Variants in RANBP17 observed in about 807,000 individuals in gnomAD.
The protein encoded by RANBP17 is ran-binding protein 17.
A neutral mutation model predicts 141.2 loss-of-function variants in RANBP17; 158 were observed. The ratio of observed to expected loss-of-function variants is 1.12; its 90% CI spans 0.98 to 1.28. The LOEUF is 1.28. Ranked by LOEUF, RANBP17 falls within the 50% of genes most tolerant of loss-of-function variation. The probability of loss-of-function intolerance (pLI) is 0.00; values close to 1 mark genes in which losing one functional copy is unlikely to be tolerated. For synonymous variants in RANBP17, 430 were observed against 450.0 expected (o/e 0.96, Z 0.56); for missense variants, 1,438 against 1,290.7 (o/e 1.11, Z -1.75).
chr5:171,100,040 A>G (rs966307230), intron 14 of RANBP17, among the ~76,000 whole-genome samples: 4 of 152,164 alleles, frequency 2.6e-5, no homozygotes, highest in African/African-American at 9.7e-5. Context: ...ATCGATGTTC[A>G]TCAGGGTTAT....
chr5:170,926,194 C>CG (rs1772904334), intron 12 of RANBP17, among the ~76,000 whole-genome samples: 1 of 84,582 alleles, frequency 1.2e-5, no homozygotes, highest in South Asian at 1.2e-3. Context: ...TCAAGTCTGC[C>CG]TTTAGCCAGG....
At chr5:171,085,265 A>G (rs1581593403) in intron 14 of RANBP17, among the ~76,000 whole-genome samples, 1 of 143,968 alleles carries the variant, frequency 6.9e-6, no homozygotes, top group Non-Finnish European at 1.5e-5. Context: ...CAAAGATCAG[A>G]TAGTTGTAGA....
chr5:170,878,331 A>G (rs1385996011), intron 2 of RANBP17, 88 bp downstream of exon 2: 3 of 1,103,470 alleles, frequency 2.7e-6, no homozygotes, highest in Non-Finnish European at 3.7e-6. Context: ...ATGGTAACTG[A>G]TAGATATTGC....
chr5:171,127,272 A>G (rs942201694), intron 14 of RANBP17, among the ~76,000 whole-genome samples: 1 of 152,234 alleles, frequency 6.6e-6, no homozygotes, highest in African/African-American at 2.4e-5. Flanking sequence ...AAAATTCAAC[A>G]TGCCTTCATG....
chr5:170,871,647 G>A (rs555684948), intron 1 of RANBP17, among the ~76,000 whole-genome samples: 1 of 152,228 alleles, frequency 6.6e-6, no homozygotes, highest in African/African-American at 2.4e-5. Context: ...AGCTTTTATG[G>A]CTTTGGGTTT....
At chr5:171,155,098 T>A (rs866119827) in intron 14 of RANBP17, among the ~76,000 whole-genome samples, 1,859 of 115,824 alleles carry the variant, frequency 0.016, 18 homozygotes, top group East Asian at 0.034. Context: ...AAAAAAAATA[T>A]ATATATATAT....
Position 171,183,167 on chromosome 5 carries a change from T to C in RANBP17, c.1866T>C (p.Gly622=). ...TLQFLNDLSV[G]YILLKKLVKI... ...CCTTAGATTCCTTAACTTCTATTACTTATATCCTTTTAAAAAAACTTGTGA... is the reference window on the plus strand; with the variant it reads ...CCTTAGATTCCTTAACTTCTATTACCTATATCCTTTTAAAAAAACTTGTGA... The change falls in exon 17 of 28, where the codon GGT becomes GGC. Residue 622 remains glycine, a splice_region_variant and synonymous_variant. Coordinates refer to ENST00000523189, the MANE Select transcript of RANBP17 (RefSeq NM_022897.5). 1 of 1,477,978 alleles carries C rather than the reference T, an allele frequency of 6.8e-7. No homozygotes were observed. Among genetic ancestry groups the C allele is most frequent in the East Asian group, 2.3e-5 (1 of 44,206 alleles). 91.6% of individuals were successfully genotyped at this position (1,477,978 alleles called of 1,614,324 possible).
intron 14 of RANBP17, among the ~76,000 whole-genome samples, chr5:171,074,766 A>G (rs1784819317): frequency 1.3e-5 from 2 of 152,124 alleles, no homozygotes. Flanking sequence ...ATTACATGTT[A>G]TTGCTATCTG....
intron 25 of RANBP17, among the ~76,000 whole-genome samples, chr5:171,277,066 TGTC>T (rs1251838413): frequency 5.3e-5 from 8 of 151,620 alleles, no homozygotes; most frequent in African/African-American, 1.9e-4. Context: ...ATTTTTGGTT[TGTC>T]TTTTTTTTTT....
chr5:171,160,069 A>G (rs1453193672), intron 14 of RANBP17, among the ~76,000 whole-genome samples: 1 of 152,182 alleles, frequency 6.6e-6, no homozygotes, highest in East Asian at 1.9e-4. Flanking sequence ...GGAGATAGGA[A>G]GCAGGAACTT....
rs533009961 is a variant in RANBP17, at chr5:170,943,150, C to T, written c.1469-10447C>T. The stretch of plus-strand genomic sequence containing the variant: ...TGATCATTTTATATTATGAAAAATG[C>T]CTAACATGGCCCTAGTTTGTATACA... On this transcript the variant is annotated intron_variant, in intron 12 of 27. Coordinates refer to ENST00000523189, the MANE Select transcript of RANBP17 (RefSeq NM_022897.5). Among the ~76,000 whole-genome samples the T allele has an allele frequency of 2.0e-5, 3 of 152,174 alleles. No individual in the cohort carries two copies. In the East Asian group the frequency reaches 5.8e-4, roughly 29 times the overall value.
intron 14 of RANBP17, among the ~76,000 whole-genome samples, chr5:171,060,714 A>G (rs934445103): frequency 6.6e-6 from 1 of 151,810 alleles, no homozygotes; most frequent in Non-Finnish European, 1.5e-5. Flanking sequence ...TTTTCTATTG[A>G]TTGGAATAGT....
At chr5:171,035,728 T>G (rs1200550877) in intron 14 of RANBP17, among the ~76,000 whole-genome samples, 1 of 142,002 alleles carries the variant, frequency 7.0e-6, no homozygotes, top group Admixed American at 6.8e-5. Flanking sequence ...ACTGTTTGTT[T>G]CTTTTTTTGT....
At chr5:171,212,319 A>G (rs1340034723) in intron 20 of RANBP17, among the ~76,000 whole-genome samples, 1 of 152,236 alleles carries the variant, frequency 6.6e-6, no homozygotes, top group Non-Finnish European at 1.5e-5. Context: ...ATGAGTGCTC[A>G]TTGAACATAG....
chr5:171,216,924 CT>C (rs1160929695), intron 21 of RANBP17, among the ~76,000 whole-genome samples: 1 of 152,296 alleles, frequency 6.6e-6, no homozygotes, highest in African/African-American at 2.4e-5. Context: ...CCTGATTGCC[CT>C]GGTCAGAACT....
intron 7 of RANBP17, 96 bp downstream of exon 7, chr5:170,911,230 T>TA (rs1198703089): frequency 2.7e-6 from 3 of 1,107,804 alleles, no homozygotes; most frequent in Non-Finnish European, 3.9e-6. Context: ...TGCCAGGAAT[T>TA]AAAAAAATAG....
At chr5:170,965,896 C>T (rs1269711955) in intron 13 of RANBP17, among the ~76,000 whole-genome samples, 1 of 151,930 alleles carries the variant, frequency 6.6e-6, no homozygotes, top group Non-Finnish European at 1.5e-5. Flanking sequence ...TTTTTTGGTT[C>T]CATATGAACT....
chr5:171,213,474 T>C (rs1327379222), intron 20 of RANBP17, among the ~76,000 whole-genome samples, 157 bp from the exon 21 acceptor site: 1 of 152,132 alleles, frequency 6.6e-6, no homozygotes, highest in African/African-American at 2.4e-5. Flanking sequence ...GGGAGCGCAA[T>C]TTATAAAATG....
chr5:171,097,977 T>G (rs777775852), intron 14 of RANBP17, among the ~76,000 whole-genome samples: 12 of 152,212 alleles, frequency 7.9e-5, no homozygotes, highest in Admixed American at 6.5e-5. Context: ...CATCCTTTTT[T>G]ATGGCTGAAT....
Sources: gnomAD v4.1 joint callset for allele counts (sites outside exome capture counted in the v4.1 genomes callset) on GRCh38, gnomAD v4.1.1 for gene constraint, MANE v1.5 for transcripts, NCBI Gene and HGNC (gene_info 2026-07-23, HGNC 2026-07-21) for gene names.